The following UTRN variants were observed in gnomAD, a reference collection of about 807,000 sequenced individuals.
The protein encoded by UTRN is dystrophin-related protein 1.
UTRN carries 283 observed loss-of-function variants against 463.9 expected under a neutral mutation model. That is an observed-to-expected ratio of 0.61 (90% CI 0.55 to 0.67). UTRN has a LOEUF of 0.67. UTRN is among the 30% of genes least tolerant of loss of function. The pLI, the probability that UTRN is intolerant of heterozygous loss-of-function variation, is 0.00. For synonymous variants in UTRN, 1,442 were observed against 1,431.5 expected (o/e 1.01, Z -0.17); for missense variants, 3,922 against 4,084.3 (o/e 0.96, Z 1.08).
chr6:144,538,152 T>C (rs757654354), intron 44 of UTRN, among the ~76,000 whole-genome samples: 13 of 152,150 alleles, frequency 8.5e-5, no homozygotes, highest in Non-Finnish European at 1.8e-4. Flanking sequence ...ATAGGTTTAG[T>C]GTCATGGTTG....
chr6:144,769,370 G>A (rs1793751553), intron 58 of UTRN, among the ~76,000 whole-genome samples: 1 of 152,012 alleles, frequency 6.6e-6, no homozygotes, highest in African/African-American at 2.4e-5. Flanking sequence ...TGTAACCAGA[G>A]GCTGTATTTA....
chr6:144,541,054 A>G (rs1230882389), intron 45 of UTRN, among the ~76,000 whole-genome samples: 2 of 152,132 alleles, frequency 1.3e-5, no homozygotes, highest in Non-Finnish European at 2.9e-5. Context: ...TGCCCCACTC[A>G]TCTCCCCTGC....
intron 27 of UTRN, among the ~76,000 whole-genome samples, chr6:144,484,041 C>T (rs1241939133): frequency 6.6e-6 from 1 of 152,168 alleles, no homozygotes; most frequent in Admixed American, 6.5e-5. Flanking sequence ...ACATTCAAGA[C>T]GACAAGCCCA....
At chr6:144,496,701 A>G (rs1040983585) in intron 33 of UTRN, among the ~76,000 whole-genome samples, 6 of 152,368 alleles carry the variant, frequency 3.9e-5, no homozygotes, top group Admixed American at 6.5e-5. Flanking sequence ...AACATTGAGT[A>G]GTTACATGAG....
chr6:144,298,755 T>C (rs895585242), intron 2 of UTRN, among the ~76,000 whole-genome samples: 1 of 152,178 alleles, frequency 6.6e-6, no homozygotes, highest in Non-Finnish European at 1.5e-5. Context: ...AAAATCTTTT[T>C]TCAAAGTGTA....
chr6:144,724,604 C>G (rs923397009), intron 53 of UTRN, among the ~76,000 whole-genome samples: 1 of 151,392 alleles, frequency 6.6e-6, no homozygotes, highest in African/African-American at 2.4e-5. Flanking sequence ...CTCCCCAGTT[C>G]CCCAGCCTTA....
At chr6:144,292,188 C>A (rs191211929) in intron 2 of UTRN, among the ~76,000 whole-genome samples, 1 of 152,216 alleles carries the variant, frequency 6.6e-6, no homozygotes, top group East Asian at 1.9e-4. Context: ...AAATAAAATA[C>A]GACCGAACAT....
chr6:144,398,268 A>G (rs1439093203), intron 2 of UTRN: 4 of 270,122 alleles, frequency 1.5e-5, no homozygotes, highest in Non-Finnish European at 3.0e-5. Flanking sequence ...TTTCTTAACA[A>G]CCATCATTGC....
At chr6:144,358,073 C>T (rs1350295343) in intron 2 of UTRN, among the ~76,000 whole-genome samples, 2 of 152,190 alleles carry the variant, frequency 1.3e-5, no homozygotes, top group African/African-American at 4.8e-5. Flanking sequence ...TGTCTGTGCT[C>T]TTTGCTGAAA....
At chr6:144,631,697 C>T (rs1329822687) in intron 51 of UTRN, among the ~76,000 whole-genome samples, 6 of 152,152 alleles carry the variant, frequency 3.9e-5, no homozygotes, top group Admixed American at 3.9e-4. Flanking sequence ...CGGTTCTCCT[C>T]TCATTTACTT....
intron 51 of UTRN, among the ~76,000 whole-genome samples, chr6:144,634,650 A>G (rs1445577554): frequency 6.6e-6 from 1 of 152,198 alleles, no homozygotes; most frequent in Non-Finnish European, 1.5e-5. Flanking sequence ...GAGCTGTACA[A>G]CCATCACCAC....
intron 2 of UTRN, among the ~76,000 whole-genome samples, chr6:144,340,976 A>G (rs1191180433): frequency 6.6e-6 from 1 of 152,222 alleles, no homozygotes; most frequent in African/African-American, 2.4e-5. Flanking sequence ...CTTTTCCTAC[A>G]TAGAATCTAG....
At position 144,488,773 on chromosome 6, in the gene UTRN, A is replaced by G. The variant is rs1792734474; in HGVS notation, c.4073A>G (p.Lys1358Arg). Residue 1358 changes from lysine (K) to arginine (R), a missense_variant, in exon 30 of 75, where the codon AAA (lysine) becomes AGA (arginine). Lys to Arg is a conservative substitution (Grantham distance 26, BLOSUM62 2). Coordinates refer to ENST00000367545, the MANE Select transcript of UTRN (RefSeq NM_007124.3). ...CAAGAGAGCTTGGGGGAGCTGGACAAACAGCTCACCACATACCTGACTGAC... is the reference window on the plus strand; with the variant it reads ...CAAGAGAGCTTGGGGGAGCTGGACAGACAGCTCACCACATACCTGACTGAC... Reference protein sequence around the residue: ...VLQESLGELDKQLTTYLTDRI... With the variant: ...VLQESLGELDRQLTTYLTDRI... 6.2e-7 allele frequency: 1 copy of G among 1,612,848 alleles called. No individual in the cohort carries two copies. The highest frequency in any genetic ancestry group is 8.5e-7 in the Non-Finnish European group (1 of 1,179,352).
chr6:144,466,729 T>C (rs900932503), intron 23 of UTRN, among the ~76,000 whole-genome samples: 4 of 152,224 alleles, frequency 2.6e-5, no homozygotes, highest in African/African-American at 9.6e-5. Context: ...AGTAATATCT[T>C]TGGATTTAGG....
intron 34 of UTRN, among the ~76,000 whole-genome samples, chr6:144,505,298 G>T (rs568180185): frequency 5.9e-5 from 9 of 152,116 alleles, no homozygotes; most frequent in African/African-American, 1.9e-4. Context: ...TCTGTCTTCT[G>T]CTAGCTTTTG....
chr6:144,820,002 G>A (rs909109394), intron 65 of UTRN, among the ~76,000 whole-genome samples: 1 of 151,536 alleles, frequency 6.6e-6, no homozygotes, highest in African/African-American at 2.4e-5. Flanking sequence ...GGAGCCAGAG[G>A]ATCATGGGCT....
intron 51 of UTRN, among the ~76,000 whole-genome samples, chr6:144,604,502 T>G (rs529468599): frequency 6.6e-6 from 1 of 152,348 alleles, no homozygotes; most frequent in Admixed American, 6.5e-5. Flanking sequence ...TTATTATTAT[T>G]CAGCTAATGG....
intron 58 of UTRN, among the ~76,000 whole-genome samples, chr6:144,769,334 TGTTTGGTAAGCAGCA>T (rs1793748238): frequency 6.6e-6 from 1 of 152,164 alleles, no homozygotes; most frequent in South Asian, 2.1e-4. Context: ...TTATTTCTGT[TGTTTGGTAAGCAGCA>T]GTTATACTTT....
chr6:144,528,853 C>T (rs917960987), intron 41 of UTRN, among the ~76,000 whole-genome samples: 1 of 152,212 alleles, frequency 6.6e-6, no homozygotes, highest in Non-Finnish European at 1.5e-5. Flanking sequence ...GCAGGCAGGG[C>T]CATAGAGCTC....
Sources: allele counts gnomAD v4.1 joint callset (sites outside exome capture counted in the v4.1 genomes callset), GRCh38; gene constraint gnomAD v4.1.1; transcripts MANE v1.5; gene names NCBI Gene and HGNC (gene_info 2026-07-23, HGNC 2026-07-21).